ROBO2: variants seen among roughly 807,000 people sequenced by gnomAD.
ROBO2 encodes the protein roundabout homolog 2.
Under a neutral mutation model 160.8 loss-of-function variants are expected in ROBO2, and 53 were observed. The observed-to-expected ratio is 0.33, with a 90% confidence interval of 0.26 to 0.41. The LOEUF (loss-of-function observed/expected upper bound fraction) is 0.41, where lower values mean the gene tolerates loss of function less well. Ranked by LOEUF, ROBO2 falls within the 10% of genes least tolerant of loss-of-function variation. The pLI, the probability that ROBO2 is intolerant of heterozygous loss-of-function variation, is 1.00. For missense variants in ROBO2, 1,577 were observed against 1,722.4 expected, an observed-to-expected ratio of 0.92 and a Z score of 1.49; for synonymous variants, 664 against 611.7, an observed-to-expected ratio of 1.09 and a Z score of -1.26.
chr3:76,675,325 G>C (rs1245644094), intron 2 of ROBO2, among the ~76,000 whole-genome samples: 2 of 152,108 alleles, frequency 1.3e-5, no homozygotes, highest in Non-Finnish European at 2.9e-5. Flanking sequence ...ACATTCCCAA[G>C]TAGAAATCAG....
chr3:77,277,215 C>CTTTCTTTCTTTCTTTCTTA (rs2059934471), intron 2 of ROBO2, among the ~76,000 whole-genome samples: 1 of 71,560 alleles, frequency 1.4e-5, no homozygotes. Context: ...TTTCTTTCTT[C>CTTTCTTTCTTTCTTTCTTA]TTTCTTTCTT....
intron 2 of ROBO2, among the ~76,000 whole-genome samples, chr3:76,580,343 T>TTTTTTTTTTTTTTTTTTTTTTTTG (rs2085610198): frequency 6.8e-4 from 5 of 7,312 alleles, no homozygotes; most frequent in Admixed American, 2.5e-3. Flanking sequence ...TTTTTTTGTG[T>TTTTTTTTTTTTTTTTTTTTTTTTG]TTTTTTTTTT....
At position 76,184,542 on chromosome 3, in the gene ROBO2, GAGATAGATAGATAGAT is replaced by G. The variant is rs78271272; in HGVS notation, c.109+246978_109+246993del. ...TACTCCAGAGAGACAGAACAAATAG[GAGATAGATAGATAGAT>G]AGATAGATAGATAGATAGATAGATA... On this transcript the variant is annotated intron_variant, in intron 2 of 26. Coordinates refer to the ROBO2 transcript ENST00000487694. 2.2e-3 allele frequency among the ~76,000 whole-genome samples: 324 copies of G among 146,406 alleles called. 2 individuals carry two copies. The highest frequency in any genetic ancestry group is 5.8e-3 in the African/African-American group (227 of 39,386).
At chr3:76,475,173 C>T (rs949372816) in intron 2 of ROBO2, among the ~76,000 whole-genome samples, 3 of 151,890 alleles carry the variant, frequency 2.0e-5, no homozygotes, top group African/African-American at 7.3e-5. Context: ...ACCAGGTTCA[C>T]TCATAAGATG....
At chr3:76,379,809 C>T (rs532896535) in intron 2 of ROBO2, among the ~76,000 whole-genome samples, 2 of 152,234 alleles carry the variant, frequency 1.3e-5, no homozygotes, top group South Asian at 4.1e-4. Flanking sequence ...GTGCTTTCAA[C>T]AACCCAGATG....
chr3:76,840,956 C>T (rs908248365), intron 2 of ROBO2, among the ~76,000 whole-genome samples: 3 of 151,956 alleles, frequency 2.0e-5, no homozygotes, highest in South Asian at 4.2e-4. Flanking sequence ...TCTGATGGTC[C>T]AACTACAAGC....
At chr3:76,068,095 A>G (rs1309397917) in intron 2 of ROBO2, among the ~76,000 whole-genome samples, 2 of 152,206 alleles carry the variant, frequency 1.3e-5, no homozygotes, top group African/African-American at 4.8e-5. Flanking sequence ...TTCATTAAGC[A>G]GGTGAAATGT....
At chr3:77,414,721 A>G (rs1370531397) in intron 2 of ROBO2, among the ~76,000 whole-genome samples, 1 of 152,234 alleles carries the variant, frequency 6.6e-6, no homozygotes, top group Non-Finnish European at 1.5e-5. Flanking sequence ...TGTAGTGTGC[A>G]GTCCATGATG....
At chr3:76,453,194 T>C (rs2077566091) in intron 2 of ROBO2, among the ~76,000 whole-genome samples, 1 of 152,238 alleles carries the variant, frequency 6.6e-6, no homozygotes, top group Non-Finnish European at 1.5e-5. Flanking sequence ...ATCCCATTTG[T>C]CAATTTTGGC....
At chr3:75,955,525 C>G (rs1251861930) in intron 2 of ROBO2, among the ~76,000 whole-genome samples, 29 of 151,266 alleles carry the variant, frequency 1.9e-4, no homozygotes, top group Non-Finnish European at 2.1e-4. Flanking sequence ...AGGAGATATA[C>G]CTAATGTAAA....
chr3:76,129,597 T>C (rs2071143713), intron 2 of ROBO2, among the ~76,000 whole-genome samples: 1 of 152,110 alleles, frequency 6.6e-6, no homozygotes, highest in Non-Finnish European at 1.5e-5. Context: ...ATTCGAAAAA[T>C]GATTCAACAT....
At chr3:77,359,233 T>C (rs563252969) in intron 2 of ROBO2, among the ~76,000 whole-genome samples, 1 of 152,308 alleles carries the variant, frequency 6.6e-6, no homozygotes, top group East Asian at 1.9e-4. Flanking sequence ...CCTGGGAAAA[T>C]CTGCCTAGGC....
At chr3:77,128,193 G>A (rs1453682165) in intron 2 of ROBO2, among the ~76,000 whole-genome samples, 2 of 152,110 alleles carry the variant, frequency 1.3e-5, no homozygotes, top group South Asian at 2.1e-4. Flanking sequence ...CTATGTCAGC[G>A]AATAAGCTAG....
intron 8 of ROBO2, among the ~76,000 whole-genome samples, chr3:77,556,713 AG>A (rs2093135598): frequency 6.6e-6 from 1 of 151,932 alleles, no homozygotes; most frequent in South Asian, 2.1e-4. Flanking sequence ...GAGTTTTTTG[AG>A]AAACAACAGT....
chr3:75,964,355 A>T (rs930696362), intron 2 of ROBO2, among the ~76,000 whole-genome samples: 1 of 151,714 alleles, frequency 6.6e-6, no homozygotes, highest in African/African-American at 2.4e-5. Context: ...GCTTTTATAT[A>T]GTTCCTTTAA....
intron 2 of ROBO2, among the ~76,000 whole-genome samples, chr3:76,744,845 A>C (rs2108102163): frequency 6.6e-6 from 1 of 152,338 alleles, no homozygotes; most frequent in Admixed American, 6.5e-5. Flanking sequence ...TAGCTTGAAA[A>C]GAATTTGTGC....
At chr3:76,983,146 G>A (rs1008746486) in intron 2 of ROBO2, among the ~76,000 whole-genome samples, 2 of 151,950 alleles carry the variant, frequency 1.3e-5, no homozygotes. Flanking sequence ...TTAGCCGGGC[G>A]TGGTGGCTCA....
intron 2 of ROBO2, among the ~76,000 whole-genome samples, chr3:76,354,092 G>A (rs1258107991): frequency 6.6e-6 from 1 of 151,830 alleles, no homozygotes; most frequent in African/African-American, 2.4e-5. Context: ...GTAATGCAAA[G>A]CATACTCCCA....
intron 2 of ROBO2, among the ~76,000 whole-genome samples, chr3:76,747,116 C>T (rs1006697836): frequency 5.3e-5 from 8 of 151,988 alleles, no homozygotes; most frequent in African/African-American, 1.2e-4. Flanking sequence ...TAAACATATG[C>T]GTGCATGTAT....
Sources: allele counts gnomAD v4.1 joint callset (sites outside exome capture counted in the v4.1 genomes callset), GRCh38; gene constraint gnomAD v4.1.1; transcripts MANE v1.5; gene names NCBI Gene and HGNC (gene_info 2026-07-23, HGNC 2026-07-21).